MACROD2: variants seen among roughly 807,000 people sequenced by gnomAD.
MACROD2 encodes the protein mono-ADP ribosylhydrolase 2.
MACROD2 carries 36 observed loss-of-function variants against 70.4 expected under a neutral mutation model. The ratio of observed to expected loss-of-function variants is 0.51; its 90% CI spans 0.39 to 0.68. The LOEUF is 0.68. Among genes scored for constraint, MACROD2 ranks in the 30% least tolerant of loss-of-function variants. MACROD2 has a pLI of 0.00. For synonymous variants in MACROD2, 172 were observed against 178.8 expected, an observed-to-expected ratio of 0.96 and a Z score of 0.30; for missense variants, 496 against 538.4, an observed-to-expected ratio of 0.92 and a Z score of 0.78.
At chr20:14,346,628 T>A (rs565287117) in intron 3 of MACROD2, among the ~76,000 whole-genome samples, 1 of 152,314 alleles carries the variant, frequency 6.6e-6, no homozygotes, top group East Asian at 1.9e-4. Flanking sequence ...TTAGATTGAT[T>A]TTACTATCAT....
At chr20:15,546,500 C>T (rs1185182148) in intron 8 of MACROD2, among the ~76,000 whole-genome samples, 2 of 152,150 alleles carry the variant, frequency 1.3e-5, no homozygotes, top group Admixed American at 1.3e-4. Context: ...GAAGTTAAAA[C>T]TTGGAATGGG....
At chr20:14,022,675 A>C (rs373708729) in intron 2 of MACROD2, among the ~76,000 whole-genome samples, 7 of 151,850 alleles carry the variant, frequency 4.6e-5, no homozygotes, top group Admixed American at 3.3e-4. Flanking sequence ...ACTTCCACTT[A>C]TGAGTGAGAA....
chr20:14,502,246 A>G (rs533999621), intron 4 of MACROD2, among the ~76,000 whole-genome samples: 11 of 152,296 alleles, frequency 7.2e-5, no homozygotes, highest in African/African-American at 2.6e-4. Flanking sequence ...GCAATTTCTT[A>G]GGGAGCCACT....
At chr20:14,146,575 G>A (rs2054946305) in intron 3 of MACROD2, among the ~76,000 whole-genome samples, 1 of 152,156 alleles carries the variant, frequency 6.6e-6, no homozygotes, top group African/African-American at 2.4e-5. Flanking sequence ...GCTGGTGTAT[G>A]TCACTGTAGA....
intron 2 of MACROD2, among the ~76,000 whole-genome samples, chr20:14,050,385 TTCCA>T (rs2053548444): frequency 6.6e-6 from 1 of 151,756 alleles, no homozygotes; most frequent in African/African-American, 2.4e-5. Context: ...GTCTTGGGGG[TTCCA>T]GCCTATAATC....
chr20:14,306,598 T>C (rs2082522881), intron 3 of MACROD2, among the ~76,000 whole-genome samples: 1 of 152,008 alleles, frequency 6.6e-6, no homozygotes, highest in African/African-American at 2.4e-5. Context: ...CAATTGGCAA[T>C]TGATATTTAG....
chr20:14,559,257 C>G (rs115810786), intron 4 of MACROD2, among the ~76,000 whole-genome samples: 1 of 151,580 alleles, frequency 6.6e-6, no homozygotes, highest in African/African-American at 2.4e-5. Context: ...TGAATTTACA[C>G]TTTTTAAGGG....
intron 5 of MACROD2, among the ~76,000 whole-genome samples, chr20:14,967,905 G>A (rs1345196555): frequency 6.6e-6 from 1 of 152,132 alleles, no homozygotes; most frequent in Non-Finnish European, 1.5e-5. Flanking sequence ...AGGAAGATAT[G>A]TATGAAAATT....
At chr20:14,677,062 G>A (rs1568733442) in intron 4 of MACROD2, among the ~76,000 whole-genome samples, 1 of 151,848 alleles carries the variant, frequency 6.6e-6, no homozygotes, top group African/African-American at 2.4e-5. Flanking sequence ...TACCTGATAC[G>A]TTTCTGCTCA....
chr20:14,864,824 A>G (rs923260980), intron 5 of MACROD2, among the ~76,000 whole-genome samples: 3 of 152,128 alleles, frequency 2.0e-5, no homozygotes, highest in Non-Finnish European at 4.4e-5. Context: ...GAAGGTTTCT[A>G]GACCTGTGCT....
At chr20:15,239,959 C>G (rs189606071) in intron 6 of MACROD2, among the ~76,000 whole-genome samples, 3 of 152,274 alleles carry the variant, frequency 2.0e-5, no homozygotes, top group African/African-American at 7.2e-5. Flanking sequence ...CACACACTTG[C>G]TCTATCAGAA....
At chr20:14,532,218 C>CT (rs1170533352) in intron 4 of MACROD2, among the ~76,000 whole-genome samples, 2,248 of 131,436 alleles carry the variant, frequency 0.017, 68 homozygotes, top group African/African-American at 0.047. Context: ...TATAACTAAT[C>CT]TTTTTTTTTT....
intron 5 of MACROD2, chr20:14,758,154 TA>T: frequency 3.3e-6 from 1 of 305,776 alleles, no homozygotes; most frequent in South Asian, 4.3e-5. Flanking sequence ...TCAGATTTAT[TA>T]AAAAAATAAA....
intron 3 of MACROD2, among the ~76,000 whole-genome samples, chr20:14,265,619 C>G (rs1238530339): frequency 6.6e-6 from 1 of 152,028 alleles, no homozygotes; most frequent in Non-Finnish European, 1.5e-5. Context: ...TCAGTCCATA[C>G]AACACTCTCA....
chr20:14,757,480 A>G (rs768030097), intron 5 of MACROD2: 2 of 512,016 alleles, frequency 3.9e-6, no homozygotes, highest in Non-Finnish European at 7.1e-6. Context: ...TTTCTTAGGT[A>G]GGCATTAAAG....
chr20:14,920,367 C>T (rs1470038010), intron 5 of MACROD2, among the ~76,000 whole-genome samples: 1 of 152,122 alleles, frequency 6.6e-6, no homozygotes, highest in East Asian at 1.9e-4. Context: ...GAGATGTTCC[C>T]TGGTAAATCT....
chr20:15,750,795 A>G (rs1347853982), intron 8 of MACROD2, among the ~76,000 whole-genome samples: 2 of 152,070 alleles, frequency 1.3e-5, no homozygotes, highest in Non-Finnish European at 2.9e-5. Flanking sequence ...TGGCTATTAG[A>G]AAAAATGAAA....
intron 3 of MACROD2, among the ~76,000 whole-genome samples, chr20:14,283,028 A>G (rs889619493): frequency 1.3e-5 from 2 of 152,186 alleles, no homozygotes; most frequent in African/African-American, 2.4e-5. Flanking sequence ...GGGTCAGCCC[A>G]TATTTGAGGA....
At chr20:15,475,618 A>T (rs1600466119) in intron 7 of MACROD2, among the ~76,000 whole-genome samples, 2 of 152,328 alleles carry the variant, frequency 1.3e-5, no homozygotes, top group Admixed American at 6.5e-5. Flanking sequence ...CCCCGCAGTC[A>T]TCCATCATGC....
Sources: gnomAD v4.1 joint callset for allele counts (sites outside exome capture counted in the v4.1 genomes callset) on GRCh38, gnomAD v4.1.1 for gene constraint, MANE v1.5 for transcripts, NCBI Gene and HGNC (gene_info 2026-07-23, HGNC 2026-07-21) for gene names.